ZSWIM5: variants seen among roughly 807,000 people sequenced by gnomAD.
ZSWIM5 encodes the protein zinc finger SWIM-type containing 5.
Under a neutral mutation model 119.6 loss-of-function variants are expected in ZSWIM5, and 55 were observed. The observed-to-expected ratio is 0.46, with a 90% CI of 0.37 to 0.58. The LOEUF (loss-of-function observed/expected upper bound fraction) is 0.58, where lower values mean the gene tolerates loss of function less well. Ranked by LOEUF, ZSWIM5 falls within the 20% of genes least tolerant of loss-of-function variation. The pLI is 0.00. For missense variants in ZSWIM5, 1,193 were observed against 1,512.8 expected, an observed-to-expected ratio of 0.79 and a Z score of 3.51; for synonymous variants, 537 against 606.9, an observed-to-expected ratio of 0.88 and a Z score of 1.69.
intron 2 of ZSWIM5, among the ~76,000 whole-genome samples, chr1:45,081,252 TC>T (rs1645288055): frequency 2.0e-5 from 3 of 149,974 alleles, no homozygotes; most frequent in African/African-American, 7.3e-5. Context: ...CCTCTCCCTC[TC>T]CCTCTCCCTC....
intron 1 of ZSWIM5, among the ~76,000 whole-genome samples, chr1:45,139,052 T>C (rs1220573819): frequency 6.6e-6 from 1 of 151,922 alleles, no homozygotes; most frequent in Non-Finnish European, 1.5e-5. Flanking sequence ...CGGCTAATTT[T>C]TGTATTTTTA....
chr1:45,132,621 T>C (rs1645664712), intron 1 of ZSWIM5, among the ~76,000 whole-genome samples: 1 of 151,092 alleles, frequency 6.6e-6, no homozygotes, highest in Non-Finnish European at 1.5e-5. Context: ...TTTTTCTTTT[T>C]TTTTATTATA....
chr1:45,066,664 T>C (rs748828441), intron 2 of ZSWIM5, among the ~76,000 whole-genome samples: 5 of 152,068 alleles, frequency 3.3e-5, no homozygotes, highest in Admixed American at 6.6e-5. Flanking sequence ...CATGTGAAAA[T>C]GCAGGCAAAA....
chr1:45,182,171 C>T (rs976534973), intron 1 of ZSWIM5, among the ~76,000 whole-genome samples: 9 of 152,224 alleles, frequency 5.9e-5, no homozygotes, highest in Admixed American at 4.6e-4. Context: ...AATCCCAGCA[C>T]TTTGGGAGGC....
chr1:45,024,707 T>C (rs975958642), intron 11 of ZSWIM5, among the ~76,000 whole-genome samples: 2 of 152,036 alleles, frequency 1.3e-5, no homozygotes, highest in African/African-American at 2.4e-5. Flanking sequence ...CAGGCTGGAG[T>C]GCAATGGTGC....
chr1:45,198,938 T>C (rs1458376362), intron 1 of ZSWIM5, among the ~76,000 whole-genome samples: 2 of 152,238 alleles, frequency 1.3e-5, no homozygotes. Flanking sequence ...AATCCCCTTA[T>C]ACACTTTCAT....
chr1:45,166,942 G>A (rs1645908070), intron 1 of ZSWIM5, among the ~76,000 whole-genome samples: 1 of 152,064 alleles, frequency 6.6e-6, no homozygotes, highest in South Asian at 2.1e-4. Flanking sequence ...AGCTACCAAT[G>A]ACTTTCTTCA....
intron 2 of ZSWIM5, among the ~76,000 whole-genome samples, chr1:45,069,757 G>A (rs1289238810): frequency 6.6e-6 from 1 of 152,044 alleles, no homozygotes. Flanking sequence ...CATAGCAAAA[G>A]GTCAGCAGGA....
chr1:45,129,733 A>C (rs1429325067), intron 1 of ZSWIM5, among the ~76,000 whole-genome samples: 1 of 152,198 alleles, frequency 6.6e-6, no homozygotes, highest in Non-Finnish European at 1.5e-5. Flanking sequence ...AAATAATACA[A>C]GTAATAAACT....
In ZSWIM5 at chr1:45,105,711, C is replaced by T. The variant is rs1203602061; in HGVS notation, c.596-17474G>A. 8.1e-4 allele frequency among the ~76,000 whole-genome samples: 117 copies of T among 145,092 alleles called. 1 individual carries two copies. Among genetic ancestry groups the T allele is most frequent in the African/African-American group, 3.0e-3 (115 of 38,834 alleles). ...AGTGAGGAGTGCCTCTGCCTGGCTG[C>T]CCCCGTCGGGGAAGTGAGGAGCACC... On this transcript the variant is annotated intron_variant, in intron 1 of 13. Transcript: ENST00000359600.
At chr1:45,183,751 T>C (rs1374277205) in intron 1 of ZSWIM5, among the ~76,000 whole-genome samples, 2 of 152,214 alleles carry the variant, frequency 1.3e-5, no homozygotes, top group African/African-American at 4.8e-5. Flanking sequence ...ATTGTGGCAA[T>C]AATCAATAGC....
intron 1 of ZSWIM5, among the ~76,000 whole-genome samples, chr1:45,119,730 T>A (rs538031448): frequency 1.3e-5 from 2 of 152,344 alleles, no homozygotes; most frequent in East Asian, 3.9e-4. Flanking sequence ...GTAGGAGTTT[T>A]GTCTTATGAT....
chr1:45,172,655 G>A (rs1401116891), intron 1 of ZSWIM5, among the ~76,000 whole-genome samples: 2 of 151,996 alleles, frequency 1.3e-5, no homozygotes, highest in Non-Finnish European at 2.9e-5. Context: ...TCTTGCAGCT[G>A]AACTCTTTGG....
At chr1:45,190,218 G>C (rs1036576507) in intron 1 of ZSWIM5, among the ~76,000 whole-genome samples, 3 of 152,034 alleles carry the variant, frequency 2.0e-5, no homozygotes, top group African/African-American at 7.2e-5. Flanking sequence ...CCAGCTACTC[G>C]GGAGGCTGAA....
chr1:45,052,538 G>C (rs1265455105), intron 4 of ZSWIM5, among the ~76,000 whole-genome samples: 1 of 152,158 alleles, frequency 6.6e-6, no homozygotes, highest in African/African-American at 2.4e-5. Flanking sequence ...GGCAGGCCAA[G>C]GAGGGCAGAT....
chr1:45,035,648 G>T, intron 10 of ZSWIM5, 40 bp downstream of exon 10: 1 of 1,606,296 alleles, frequency 6.2e-7, no homozygotes, highest in South Asian at 1.1e-5. Flanking sequence ...GGACACTTCT[G>T]CTTTGGTGGA....
At chr1:45,147,387 T>C (rs1244158214) in intron 1 of ZSWIM5, among the ~76,000 whole-genome samples, 2 of 152,096 alleles carry the variant, frequency 1.3e-5, no homozygotes, top group African/African-American at 2.4e-5. Context: ...CAATTTTCTA[T>C]AAAATTCCCT....
At chr1:45,120,069 C>A (rs1423274446) in intron 1 of ZSWIM5, among the ~76,000 whole-genome samples, 10 of 152,136 alleles carry the variant, frequency 6.6e-5, no homozygotes, top group Admixed American at 6.5e-4. Context: ...ACAAGCCAGG[C>A]GCAACTGCTC....
intron 8 of ZSWIM5, among the ~76,000 whole-genome samples, chr1:45,036,972 A>AT (rs58648834): frequency 2.8e-5 from 4 of 144,290 alleles, no homozygotes; most frequent in East Asian, 2.1e-4. Flanking sequence ...ATAATTTTTA[A>AT]TTTTTTTTTG....
Sources: gnomAD v4.1 joint callset for allele counts (sites outside exome capture counted in the v4.1 genomes callset) on GRCh38, gnomAD v4.1.1 for gene constraint, MANE v1.5 for transcripts, NCBI Gene and HGNC (gene_info 2026-07-23, HGNC 2026-07-21) for gene names.